Variants in TMEM132B observed in about 807,000 individuals in gnomAD.
The protein encoded by TMEM132B is transmembrane protein 132B.
TMEM132B carries 18 observed loss-of-function variants against 90.8 expected under a neutral mutation model. The observed-to-expected ratio is 0.20, with a 90% CI of 0.14 to 0.29. TMEM132B has a LOEUF of 0.29. Ranked by LOEUF, TMEM132B falls within the 10% of genes least tolerant of loss-of-function variation. The pLI, the probability that TMEM132B is intolerant of heterozygous loss-of-function variation, is 1.00. For missense variants in TMEM132B, 1,096 were observed against 1,326.8 expected, an observed-to-expected ratio of 0.83 and a Z score of 2.70; for synonymous variants, 504 against 523.3, an observed-to-expected ratio of 0.96 and a Z score of 0.50.
chr12:125,525,950 G>A (rs1403088993), intron 4 of TMEM132B, among the ~76,000 whole-genome samples: 3 of 152,172 alleles, frequency 2.0e-5, no homozygotes, highest in Non-Finnish European at 4.4e-5. Flanking sequence ...GAGGGGTCTG[G>A]AGAAATAATA....
intron 1 of TMEM132B, among the ~76,000 whole-genome samples, chr12:125,307,770 T>G (rs1876018059): frequency 6.7e-6 from 1 of 149,340 alleles, no homozygotes; most frequent in Non-Finnish European, 1.5e-5. Context: ...ATTGCAAGTA[T>G]ATATACTTAT....
At position 125,517,801 on chromosome 12, in the gene TMEM132B, C is replaced by T. The variant is rs376990993; in HGVS notation, c.1107-1638C>T. ...ATTTTTCAGACAAGGAAGCTGATGGCGGAATGGGCATGAATGTCTTTCCCA... is the reference window on the plus strand; with the variant it reads ...ATTTTTCAGACAAGGAAGCTGATGGTGGAATGGGCATGAATGTCTTTCCCA... On this transcript the variant is annotated intron_variant, in intron 3 of 8. Transcript: ENST00000682704. Among the ~76,000 whole-genome samples, 16 of 152,250 alleles carry T rather than the reference C, an allele frequency of 1.1e-4. No homozygotes were observed. In the East Asian group the frequency reaches 1.4e-3, roughly 13 times the overall value.
At chr12:125,494,521 T>C (rs1175665913) in intron 3 of TMEM132B, among the ~76,000 whole-genome samples, 3 of 66,952 alleles carry the variant, frequency 4.5e-5, no homozygotes, top group African/African-American at 1.2e-4. Flanking sequence ...CTGCTCCCCC[T>C]CCTCCCTGGA....
intron 5 of TMEM132B, chr12:125,584,527 T>C (rs1885134558): frequency 6.5e-6 from 1 of 153,264 alleles, no homozygotes; most frequent in Non-Finnish European, 1.5e-5. Flanking sequence ...GTGAGCTTGG[T>C]GTATTACATT....
At chr12:125,216,270 G>T (rs1873434959) in intron 1 of TMEM132B, among the ~76,000 whole-genome samples, 2 of 152,104 alleles carry the variant, frequency 1.3e-5, no homozygotes, top group South Asian at 4.1e-4. Flanking sequence ...TGTCCTAAAG[G>T]TAGAGGGTGG....
chr12:125,524,771 T>A (rs1330078569), intron 4 of TMEM132B, among the ~76,000 whole-genome samples: 4 of 152,172 alleles, frequency 2.6e-5, no homozygotes, highest in Non-Finnish European at 1.5e-5. Context: ...TAGGTTCTCC[T>A]CTTGGAGAAA....
At chr12:125,233,125 A>G (rs7962299) in intron 1 of TMEM132B, among the ~76,000 whole-genome samples, 2,908 of 152,332 alleles carry the variant, frequency 0.019, 95 homozygotes, top group African/African-American at 0.065. Flanking sequence ...TATCCAGGCC[A>G]GGACTAGGAT....
intron 2 of TMEM132B, among the ~76,000 whole-genome samples, chr12:125,403,140 A>C (rs898455731): frequency 6.6e-6 from 1 of 152,246 alleles, no homozygotes; most frequent in African/African-American, 2.4e-5. Context: ...TTTTAGCTAT[A>C]AAAGAACTCA....
chr12:125,257,596 C>G (rs891349029), intron 1 of TMEM132B, among the ~76,000 whole-genome samples: 3 of 152,126 alleles, frequency 2.0e-5, no homozygotes, highest in African/African-American at 7.2e-5. Context: ...ACCAGGATGA[C>G]CCCCATTCCT....
chr12:125,283,644 T>A (rs1161102997), intron 1 of TMEM132B, among the ~76,000 whole-genome samples: 1 of 152,194 alleles, frequency 6.6e-6, no homozygotes, highest in Non-Finnish European at 1.5e-5. Flanking sequence ...CAAGGTAAGA[T>A]GTCGCGTCCA....
chr12:125,222,473 G>A lies in TMEM132B; in HGVS notation c.67+35607G>A, dbSNP rs150500165. ...ACTAAGGAAACAATTGCACAAACCA[G>A]GCTCTCCATAAATATAGGGACTCCA... is the stretch of plus-strand genomic sequence containing the variant. On this transcript the variant is annotated intron_variant, in intron 1 of 8. Coordinates refer to ENST00000682704, the MANE Select transcript of TMEM132B (RefSeq NM_001366854.1). Among the ~76,000 whole-genome samples the A allele has an allele frequency of 3.7e-4, 57 of 152,178 alleles. No homozygotes were observed. In the East Asian group the frequency reaches 6.6e-3, roughly 18 times the overall value.
chr12:125,438,796 CTTTATATGAATGG>C (rs1262569160), intron 3 of TMEM132B, among the ~76,000 whole-genome samples: 17 of 152,100 alleles, frequency 1.1e-4, no homozygotes, highest in African/African-American at 4.1e-4. Context: ...TATTTTCAAA[CTTTATATGAATGG>C]CATTGTGCTA....
intron 5 of TMEM132B, among the ~76,000 whole-genome samples, chr12:125,643,849 T>C (rs1278056216): frequency 2.0e-5 from 3 of 152,176 alleles, no homozygotes; most frequent in Non-Finnish European, 4.4e-5. Context: ...TGTTAATGGT[T>C]TTACTTGTCA....
Position 125,519,462 on chromosome 12 carries a change from T to C in TMEM132B, c.1130T>C (p.Ile377Thr). The C allele has an allele frequency of 9.9e-6, 16 of 1,612,964 alleles. No individual in the cohort carries two copies. The highest frequency in any genetic ancestry group is 1.4e-5 in the Non-Finnish European group (16 of 1,179,468). Reference protein sequence around the residue: ...QSRVNGSFYEILQVDFGIDNS... With the variant: ...QSRVNGSFYETLQVDFGIDNS... ...AGGGTAAATGGATCCTTCTATGAGA[T>C]CTTGCAAGTGGACTTTGGAATTGAT... Residue 377 changes from isoleucine to threonine, a missense_variant, in exon 4 of 9, where the codon ATC (isoleucine) becomes ACC (threonine). Ile to Thr is a moderately conservative substitution (Grantham distance 89). Transcript: ENST00000682704.
chr12:125,436,207 A>T (rs969043363), intron 3 of TMEM132B, among the ~76,000 whole-genome samples: 1 of 152,128 alleles, frequency 6.6e-6, no homozygotes, highest in Non-Finnish European at 1.5e-5. Context: ...AGCACATTGT[A>T]TGAAGCTCAT....
intron 2 of TMEM132B, among the ~76,000 whole-genome samples, chr12:125,379,109 T>C (rs1367579401): frequency 4.6e-5 from 7 of 152,198 alleles, no homozygotes; most frequent in East Asian, 3.9e-4. Context: ...AAGAATTTAA[T>C]TGGAGCTTCC....
chr12:125,319,074 C>T (rs1876357191), intron 1 of TMEM132B, among the ~76,000 whole-genome samples: 2 of 152,134 alleles, frequency 1.3e-5, no homozygotes, highest in Non-Finnish European at 2.9e-5. Context: ...GTAGAGGTGG[C>T]TCAGGTCCTG....
rs1884567079 is a variant in TMEM132B, at chr12:125,562,847, C to T, written c.1294-21004C>T. Among the ~76,000 whole-genome samples, 3 of 152,114 alleles carry T rather than the reference C, an allele frequency of 2.0e-5. No individual in the cohort carries two copies. The South Asian group carries it at 6.2e-4, about 32-fold the overall frequency. On this transcript the variant is annotated intron_variant, in intron 4 of 8. Transcript: ENST00000682704. ...TGCCACGGTGGTGAGGTCTCTCCAG[C>T]CACATGAAACTGTGAGTTTTGTTAT...
chr12:125,598,789 T>A (rs945341660), intron 5 of TMEM132B, among the ~76,000 whole-genome samples: 2 of 152,100 alleles, frequency 1.3e-5, no homozygotes, highest in Non-Finnish European at 2.9e-5. Context: ...TAATCATGAC[T>A]CCTGGTTATG....
Sources: gnomAD v4.1 joint callset for allele counts (sites outside exome capture counted in the v4.1 genomes callset) on GRCh38, gnomAD v4.1.1 for gene constraint, MANE v1.5 for transcripts, NCBI Gene and HGNC (gene_info 2026-07-23, HGNC 2026-07-21) for gene names.